PTPRD: variants seen among roughly 807,000 people sequenced by gnomAD.
PTPRD encodes the protein protein tyrosine phosphatase receptor type D.
Under a neutral mutation model 214.5 loss-of-function variants are expected in PTPRD, and 34 were observed. That is an observed-to-expected ratio of 0.16 (90% CI 0.12 to 0.21). The LOEUF is 0.21. Among genes scored for constraint, PTPRD ranks in the 10% least tolerant of loss-of-function variants. PTPRD has a pLI of 1.00. For synonymous variants in PTPRD, 1,128 were observed against 845.7 expected (o/e 1.33, Z -5.79); for missense variants, 2,545 against 2,398.7 (o/e 1.06, Z -1.27).
chr9:10,293,155 T>C (rs999427484), intron 3 of PTPRD, among the ~76,000 whole-genome samples: 1 of 151,862 alleles, frequency 6.6e-6, no homozygotes, highest in Non-Finnish European at 1.5e-5. Context: ...ATTCTTGAAA[T>C]CTCTGGCCTT....
chr9:10,550,755 AG>A, intron 2 of PTPRD, among the ~76,000 whole-genome samples: 1 of 152,212 alleles, frequency 6.6e-6, no homozygotes, highest in East Asian at 1.9e-4. Context: ...AAAGATGCAA[AG>A]AACTATCTAT....
intron 12 of PTPRD, among the ~76,000 whole-genome samples, chr9:8,653,183 CAAAAG>C (rs1376522653): frequency 1.3e-5 from 2 of 151,892 alleles, no homozygotes; most frequent in African/African-American, 4.8e-5. Context: ...GGGAAAAAGA[CAAAAG>C]AGAAATCTAA....
At chr9:10,432,106 T>TA (rs377417732) in intron 2 of PTPRD, among the ~76,000 whole-genome samples, 3 of 151,450 alleles carry the variant, frequency 2.0e-5, no homozygotes, top group South Asian at 4.2e-4. Context: ...TATGCAGCCA[T>TA]AAAAAAATGA....
At chr9:8,493,115 C>T (rs931760240) in intron 26 of PTPRD, 136 bp from the exon 27 acceptor site, 1 of 682,200 alleles carries the variant, frequency 1.5e-6, no homozygotes, top group African/African-American at 1.8e-5. Context: ...AAATTTCATG[C>T]CTGAGCTCAT....
In PTPRD at chr9:10,079,437, G is replaced by A. The variant is rs554362938; in HGVS notation, c.-544-45647C>T. 5.9e-5 allele frequency among the ~76,000 whole-genome samples: 9 copies of A among 152,216 alleles called. No homozygotes were observed. The South Asian group carries it at 1.9e-3, about 32-fold the overall frequency. On this transcript the variant is annotated intron_variant, in intron 3 of 45. Transcript: ENST00000381196. Reference sequence around the variant, plus strand: ...CCTGGGTTGTTGTGTTTTTGTTGCTGTATTTTTCCCCTCCCCTGAAGCATC... The same window carrying A: ...CCTGGGTTGTTGTGTTTTTGTTGCTATATTTTTCCCCTCCCCTGAAGCATC...
chr9:9,797,836 G>A (rs980552277), intron 5 of PTPRD, among the ~76,000 whole-genome samples: 5 of 152,040 alleles, frequency 3.3e-5, no homozygotes, highest in East Asian at 1.9e-4. Flanking sequence ...GGACAACAGC[G>A]AGACTTAATC....
intron 8 of PTPRD, among the ~76,000 whole-genome samples, chr9:9,450,956 C>CACACACACAG (rs1410002926): frequency 7.3e-5 from 11 of 149,668 alleles, no homozygotes; most frequent in African/African-American, 2.7e-4. Flanking sequence ...TACATACACA[C>CACACACACAG]ACACACACAC....
rs1209307116 is a variant in PTPRD at position 9,802,241 on chromosome 9, G to C, written c.-367-35390C>G. Among the ~76,000 whole-genome samples, 4 of 151,912 alleles carry C rather than the reference G, an allele frequency of 2.6e-5. No individual in the cohort carries two copies. In the South Asian group the frequency reaches 6.2e-4, roughly 24 times the overall value. On this transcript the variant is annotated intron_variant, in intron 5 of 45. Transcript: ENST00000381196. ...AAATGCAAATGTAATGGAAGTGTTT[G>C]AGATCAAGATTCCTATGGGTTGATA...
chr9:9,968,864 G>T (rs1383607233), intron 4 of PTPRD, among the ~76,000 whole-genome samples: 1 of 152,092 alleles, frequency 6.6e-6, no homozygotes, highest in East Asian at 1.9e-4. Context: ...ACAGAACTAA[G>T]GATGTGATAA....
At chr9:9,062,894 G>T (rs1470745110) in intron 10 of PTPRD, among the ~76,000 whole-genome samples, 1 of 152,124 alleles carries the variant, frequency 6.6e-6, no homozygotes, top group South Asian at 2.1e-4. Flanking sequence ...TGTCACAGGG[G>T]TGTTTTAAGT....
At chr9:9,538,012 G>C (rs757732310) in intron 8 of PTPRD, among the ~76,000 whole-genome samples, 11 of 151,648 alleles carry the variant, frequency 7.3e-5, no homozygotes, top group Non-Finnish European at 1.0e-4. Flanking sequence ...TTTTGGGAGT[G>C]GGATAAACTA....
chr9:9,479,229 C>CA (rs2095285679), intron 8 of PTPRD, among the ~76,000 whole-genome samples: 1 of 100,540 alleles, frequency 9.9e-6, no homozygotes, highest in Non-Finnish European at 2.1e-5. Context: ...CCCCCCCCCC[C>CA]ACACACACAC....
chr9:8,847,174 ATT>A (rs5896265), intron 11 of PTPRD, among the ~76,000 whole-genome samples: 2 of 150,856 alleles, frequency 1.3e-5, no homozygotes, highest in East Asian at 1.9e-4. Flanking sequence ...TTCCTAAAAT[ATT>A]TTTTTTTTGG....
intron 7 of PTPRD, among the ~76,000 whole-genome samples, chr9:9,668,631 T>A (rs1003065741): frequency 1.3e-5 from 2 of 152,198 alleles, no homozygotes; most frequent in Non-Finnish European, 2.9e-5. Context: ...GTTGTATTAA[T>A]CACTTAAGCC....
intron 2 of PTPRD, among the ~76,000 whole-genome samples, chr9:10,349,759 A>G (rs1421515889): frequency 2.0e-5 from 3 of 152,198 alleles, no homozygotes; most frequent in Non-Finnish European, 1.5e-5. Flanking sequence ...TTGCATCACA[A>G]AGAAGTCCAC....
chr9:9,947,376 ATATATATTTTATATACATAT>A (rs2153984665), intron 4 of PTPRD, among the ~76,000 whole-genome samples: 1 of 57,360 alleles, frequency 1.7e-5, no homozygotes, highest in Non-Finnish European at 3.0e-5. Flanking sequence ...TATATATATT[ATATATATTTTATATACATAT>A]TATATATAAT....
Position 9,766,799 on chromosome 9 carries a change from A to G in PTPRD, c.-326+11T>C, listed in dbSNP as rs1597222538. 1.3e-5 allele frequency: 2 copies of G among 152,620 alleles called. No individual in the cohort carries two copies. The highest frequency in any genetic ancestry group is 3.9e-4 in the East Asian group (2 of 5,190). 9.5% of individuals were successfully genotyped at this position (152,620 alleles called of 1,614,324 possible). A position where few individuals can be genotyped will look rare whatever the true frequency, so the allele number is the denominator to read the frequency against. ...TGGAGAAATTTTAAAATATATTTTA[A>G]ATATACTCACCTTTGTCCAAGGCAC... On this transcript the variant is annotated intron_variant, in intron 6 of 45. Coordinates refer to ENST00000381196, the MANE Select transcript of PTPRD (RefSeq NM_002839.4).
chr9:8,926,931 T>G (rs951611121), intron 11 of PTPRD, among the ~76,000 whole-genome samples: 4 of 152,170 alleles, frequency 2.6e-5, no homozygotes, highest in Admixed American at 2.0e-4. Context: ...CAGGGAATAA[T>G]GATGAGTCAG....
At chr9:9,989,707 A>G (rs2095847534) in intron 4 of PTPRD, among the ~76,000 whole-genome samples, 1 of 152,186 alleles carries the variant, frequency 6.6e-6, no homozygotes, top group Non-Finnish European at 1.5e-5. Flanking sequence ...ACTGTTTAAC[A>G]TTTAAGCAAT....
Sources: allele counts gnomAD v4.1 joint callset (sites outside exome capture counted in the v4.1 genomes callset), GRCh38; gene constraint gnomAD v4.1.1; transcripts MANE v1.5; gene names NCBI Gene and HGNC (gene_info 2026-07-23, HGNC 2026-07-21).